Variants in OR5V1 observed in about 807,000 individuals in gnomAD.
OR5V1 encodes olfactory receptor family 5 subfamily V member 1.
For synonymous variants in OR5V1, 134 were observed against 143.2 expected (o/e 0.94, Z 0.46); for missense variants, 365 against 371.5 (o/e 0.98, Z 0.14).
intron 1 of OR5V1, among the ~76,000 whole-genome samples, chr6:29,367,037 C>T (rs764213122): frequency 3.3e-5 from 5 of 152,096 alleles, no homozygotes; most frequent in African/African-American, 4.8e-5. Flanking sequence ...TGTGATAAAA[C>T]GACTAAATGA....
At chr6:29,358,049 C>T (rs1778398371) in intron 1 of OR5V1, among the ~76,000 whole-genome samples, 1 of 152,102 alleles carries the variant, frequency 6.6e-6, no homozygotes, top group South Asian at 2.1e-4. Flanking sequence ...TTGCTGTCTT[C>T]TTTCCTCGTG....
At position 29,353,780 on chromosome 6, in the gene OR5V1, A is replaced by T. The variant is rs1367248532; in HGVS notation, c.*1450T>A. On this transcript the variant is annotated 3_prime_UTR_variant, in exon 2 of 2. Transcript: ENST00000641768. The stretch of plus-strand genomic sequence containing the variant: ...AAAGATCAAGCCATACCTGGAGAAG[A>T]ATTATTTAGGGTTCCTGCAGGAGAT... 7.2e-5 allele frequency: 11 copies of T among 152,076 alleles called. No individual in the cohort carries two copies. The highest frequency in any genetic ancestry group is 2.7e-4 in the African/African-American group (11 of 41,436). 9.4% of individuals were successfully genotyped at this position (152,076 alleles called of 1,614,324 possible).
chr6:29,366,455 G>C (rs1033267922), intron 1 of OR5V1, among the ~76,000 whole-genome samples: 8 of 152,188 alleles, frequency 5.3e-5, no homozygotes, highest in South Asian at 2.1e-4. Flanking sequence ...GGCCTCAGAG[G>C]AGAGGTATGT....
chr6:29,367,096 A>T (rs1778891308), intron 1 of OR5V1, among the ~76,000 whole-genome samples: 1 of 152,182 alleles, frequency 6.6e-6, no homozygotes, highest in African/African-American at 2.4e-5. Context: ...TTTGCCTTAA[A>T]ATAAGAATTT....
chr6:29,354,032 T>C lies in OR5V1; in HGVS notation c.*1198A>G, dbSNP rs900336364. On this transcript the variant is annotated 3_prime_UTR_variant, in exon 2 of 2. Transcript: ENST00000641768. Reference sequence around the variant, plus strand: ...CTCCACTAGAACACTATGACAACATTACACAAAAGAGGGGCTGGGAAGTCA... The same window carrying C: ...CTCCACTAGAACACTATGACAACATCACACAAAAGAGGGGCTGGGAAGTCA... The C allele has an allele frequency of 1.3e-5, 2 of 151,830 alleles. No individual in the cohort carries two copies. The highest frequency in any genetic ancestry group is 2.9e-5 in the Non-Finnish European group (2 of 67,900). The allele number at this position is 151,830 out of a possible 1,614,324, so 9.4% of individuals were successfully genotyped here.
intron 1 of OR5V1, among the ~76,000 whole-genome samples, chr6:29,367,307 T>C (rs1170654686): frequency 6.6e-6 from 1 of 152,110 alleles, no homozygotes; most frequent in Non-Finnish European, 1.5e-5. Context: ...TTATGACACA[T>C]AACACACAAC....
Position 29,355,381 on chromosome 6 carries a change from C to T in OR5V1, c.815G>A (p.Arg272Lys). 1.2e-6 allele frequency: 2 copies of T among 1,613,974 alleles called. No individual in the cohort carries two copies. The highest frequency in any genetic ancestry group is 2.2e-5 in the South Asian group (2 of 91,076). ...PISTYSLKKD[R>K]LVSVLYSVVT... Reference sequence around the variant, plus strand: ...AACACTGTACAACACTGAAACCAACCTATCTTTCTTTAATGAGTAAGTTGA... The same window carrying T: ...AACACTGTACAACACTGAAACCAACTTATCTTTCTTTAATGAGTAAGTTGA... The change falls in exon 2 of 2, where the codon AGG becomes AAG. Residue 272 changes from arginine to lysine, a missense_variant. By Grantham distance (26) the Arg-to-Lys change is conservative (BLOSUM62 2). Coordinates refer to ENST00000641768, the MANE Select transcript of OR5V1 (RefSeq NM_030876.6).
At position 29,360,227 on chromosome 6, in the gene OR5V1, G is replaced by A. The variant is rs763672537; in HGVS notation, c.-82-3950C>T. Among the ~76,000 whole-genome samples, 7 of 152,322 alleles carry A rather than the reference G, an allele frequency of 4.6e-5. No individual in the cohort carries two copies. In the South Asian group the frequency reaches 1.2e-3, roughly 27 times the overall value. On this transcript the variant is annotated intron_variant, in intron 1 of 1. Coordinates refer to ENST00000641768, the MANE Select transcript of OR5V1 (RefSeq NM_030876.6). ...CTGCTTCTCTAGATTCCTCCTCACT[G>A]GGGAGGGCATCTCTGAAAGAAAGGC...
intron 1 of OR5V1, among the ~76,000 whole-genome samples, chr6:29,365,785 C>T (rs1213766836): frequency 6.6e-6 from 1 of 152,096 alleles, no homozygotes. Flanking sequence ...ACTATTTAAC[C>T]CAGCAATCCC....
intron 1 of OR5V1, among the ~76,000 whole-genome samples, chr6:29,360,075 T>C (rs1778496093): frequency 6.6e-6 from 1 of 152,098 alleles, no homozygotes; most frequent in South Asian, 2.1e-4. Context: ...ATCGAGCTTG[T>C]TGTGGGGAGG....
rs1168176292 is a variant in OR5V1 at position 29,354,510 on chromosome 6, T to C, written c.*720A>G. ...TTTATCTGATTCTGTTTTCTAAATT[T>C]TTAGCGAAAAAAGTTTCCCAAATTT... On this transcript the variant is annotated 3_prime_UTR_variant, in exon 2 of 2. Transcript: ENST00000641768. The C allele has an allele frequency of 6.6e-6, 1 of 152,112 alleles. No homozygotes were observed. Among genetic ancestry groups the C allele is most frequent in the African/African-American group, 2.4e-5 (1 of 41,450 alleles). The allele number at this position is 152,112 out of a possible 1,614,324, so 9.4% of individuals were successfully genotyped here.
intron 1 of OR5V1, among the ~76,000 whole-genome samples, chr6:29,367,338 T>A (rs963433193): frequency 6.6e-6 from 1 of 152,218 alleles, no homozygotes; most frequent in Non-Finnish European, 1.5e-5. Context: ...GTGTGACATA[T>A]CACTTGTTTG....
intron 1 of OR5V1, among the ~76,000 whole-genome samples, chr6:29,359,761 C>T (rs1778480238): frequency 6.6e-6 from 1 of 152,212 alleles, no homozygotes; most frequent in Non-Finnish European, 1.5e-5. Flanking sequence ...CTACACCTTT[C>T]CCACGGTTTT....
intron 1 of OR5V1, among the ~76,000 whole-genome samples, chr6:29,360,072 T>A (rs1413785808): frequency 6.6e-6 from 1 of 152,128 alleles, no homozygotes; most frequent in Non-Finnish European, 1.5e-5. Context: ...ATGATCGAGC[T>A]TGTTGTGGGG....
chr6:29,357,174 T>C (rs191721033), intron 1 of OR5V1, among the ~76,000 whole-genome samples: 3 of 152,178 alleles, frequency 2.0e-5, no homozygotes, highest in Non-Finnish European at 4.4e-5. Context: ...GGAATTAGTG[T>C]CTGTTTCAAC....
At position 29,353,888 on chromosome 6, in the gene OR5V1, C is replaced by T. The variant is rs1778129667; in HGVS notation, c.*1342G>A. 1 of 151,698 alleles carries T rather than the reference C, an allele frequency of 6.6e-6. No individual in the cohort carries two copies. The highest frequency in any genetic ancestry group is 2.4e-5 in the African/African-American group (1 of 41,284). The allele number at this position is 151,698 out of a possible 1,614,324, so 9.4% of individuals were successfully genotyped here. On this transcript the variant is annotated 3_prime_UTR_variant, in exon 2 of 2. Transcript: ENST00000641768. ...TTAAATGAAGAGTGTGCCAGTAAGC[C>T]AGTAGAGTTTATTAAAACAAAAACA...
intron 1 of OR5V1, among the ~76,000 whole-genome samples, chr6:29,359,699 G>T (rs1778477239): frequency 6.6e-6 from 1 of 152,148 alleles, no homozygotes. Context: ...GAAGTGCAAG[G>T]AGCTTCCCCA....
chr6:29,359,788 G>C (rs1409066963), intron 1 of OR5V1, among the ~76,000 whole-genome samples: 1 of 152,164 alleles, frequency 6.6e-6, no homozygotes, highest in Non-Finnish European at 1.5e-5. Context: ...CCGCAGACCA[G>C]GAGATTCTCT....
intron 1 of OR5V1, among the ~76,000 whole-genome samples, chr6:29,357,848 T>A (rs1409074008): frequency 6.6e-6 from 1 of 152,134 alleles, no homozygotes; most frequent in Non-Finnish European, 1.5e-5. Flanking sequence ...GTGAGAAAAA[T>A]TAATCTGCAG....
Sources: allele counts gnomAD v4.1 joint callset (sites outside exome capture counted in the v4.1 genomes callset), GRCh38; gene constraint gnomAD v4.1.1; transcripts MANE v1.5; gene names NCBI Gene and HGNC (gene_info 2026-07-23, HGNC 2026-07-21).